IQGAP1: variants seen among roughly 807,000 people sequenced by gnomAD.
The protein encoded by IQGAP1 is IQ motif containing GTPase activating protein 1.
Under a neutral mutation model 215.6 loss-of-function variants are expected in IQGAP1, and 66 were observed. The observed-to-expected ratio is 0.31, with a 90% CI of 0.25 to 0.38. IQGAP1 has a LOEUF of 0.38. IQGAP1 is among the 10% of genes least tolerant of loss of function. The pLI is 1.00. For missense variants in IQGAP1, 1,712 were observed against 1,997.1 expected (o/e 0.86, Z 2.72); for synonymous variants, 772 against 728.7 (o/e 1.06, Z -0.96).
chr15:90,404,789 C>A (rs1964854702), intron 2 of IQGAP1, among the ~76,000 whole-genome samples: 1 of 152,094 alleles, frequency 6.6e-6, no homozygotes, highest in Admixed American at 6.6e-5. Flanking sequence ...CCATGTTGGC[C>A]AGGCTGGTCT....
intron 22 of IQGAP1, 102 bp downstream of exon 22, chr15:90,474,235 TG>T (rs1965947522): frequency 9.2e-7 from 1 of 1,088,290 alleles, no homozygotes; most frequent in Non-Finnish European, 1.3e-6. Context: ...AGGCAAGGCT[TG>T]GGGGAGAGGG....
intron 4 of IQGAP1, 158 bp downstream of exon 4, chr15:90,429,824 T>A: frequency 2.0e-6 from 1 of 498,518 alleles, no homozygotes; most frequent in Non-Finnish European, 3.6e-6. Context: ...GGAAATAGTT[T>A]TGTTCTTTTT....
chr15:90,433,307 C>G (rs1467199075), intron 4 of IQGAP1, among the ~76,000 whole-genome samples: 1 of 152,114 alleles, frequency 6.6e-6, no homozygotes, highest in Admixed American at 6.5e-5. Context: ...GTTGTTTCTC[C>G]ATCTAGGCAT....
intron 28 of IQGAP1, chr15:90,482,719 G>A: frequency 2.0e-6 from 2 of 1,000,108 alleles, no homozygotes; most frequent in Non-Finnish European, 2.4e-6. Context: ...CTTTCCTACA[G>A]TGAGGCCTCG....
At chr15:90,446,399 A>G (rs978243387) in intron 9 of IQGAP1, among the ~76,000 whole-genome samples, 2 of 152,232 alleles carry the variant, frequency 1.3e-5, no homozygotes, top group East Asian at 3.8e-4. Flanking sequence ...TAGACATACA[A>G]ATGAGTACTT....
chr15:90,422,578 C>A (rs1456280178), intron 2 of IQGAP1, among the ~76,000 whole-genome samples: 1 of 138,802 alleles, frequency 7.2e-6, no homozygotes, highest in Non-Finnish European at 1.5e-5. Flanking sequence ...AAAATATAAA[C>A]ATTTCAGAAA....
At chr15:90,483,322 T>A (rs764332080) in intron 28 of IQGAP1, 39 bp from the exon 29 acceptor site, 1 of 1,439,570 alleles carries the variant, frequency 6.9e-7, no homozygotes, top group South Asian at 1.2e-5. Flanking sequence ...CTTGGTGGTA[T>A]GTCTTTTAAT....
rs199939577 is a variant in IQGAP1, at chr15:90,467,445, G to C, written c.2036-5G>C. 10 of 1,606,282 alleles carry C rather than the reference G, an allele frequency of 6.2e-6. No homozygotes were observed. The Admixed American group carries it at 1.7e-4, about 28-fold the overall frequency. On this transcript the variant is annotated splice_region_variant and splice_polypyrimidine_tract_variant and intron_variant, in intron 17 of 37. Coordinates refer to ENST00000268182, the MANE Select transcript of IQGAP1 (RefSeq NM_003870.4). ...GTCTTCTATCTTTCCTTTATTTTCTGCCAGGAGATAATAACAGCAAGTGGG... is the reference window on the plus strand; with the variant it reads ...GTCTTCTATCTTTCCTTTATTTTCTCCCAGGAGATAATAACAGCAAGTGGG...
At chr15:90,396,862 TTTTTTTTGG>T (rs1964728081) in intron 2 of IQGAP1, among the ~76,000 whole-genome samples, 2 of 152,074 alleles carry the variant, frequency 1.3e-5, no homozygotes, top group African/African-American at 2.4e-5. Flanking sequence ...AAAATTTTTT[TTTTTTTTGG>T]AGACGGAGTC....
chr15:90,434,261 AC>A (rs1210587514), intron 5 of IQGAP1, among the ~76,000 whole-genome samples: 2 of 152,038 alleles, frequency 1.3e-5, no homozygotes, highest in Admixed American at 1.3e-4. Flanking sequence ...ACATAGTGAA[AC>A]CCTGTCTCTA....
At chr15:90,462,949 A>G (rs1438036677) in intron 15 of IQGAP1, among the ~76,000 whole-genome samples, 1 of 152,152 alleles carries the variant, frequency 6.6e-6, no homozygotes, top group Non-Finnish European at 1.5e-5. Context: ...CATTTGAGTT[A>G]ATCTTTAGGT....
At chr15:90,459,346 T>G (rs547434330) in intron 15 of IQGAP1, among the ~76,000 whole-genome samples, 20 of 152,328 alleles carry the variant, frequency 1.3e-4, no homozygotes, top group East Asian at 7.7e-4. Flanking sequence ...GACAAACATT[T>G]TAAAAGATGA....
chr15:90,487,460 G>A, intron 32 of IQGAP1, 35 bp from the exon 33 acceptor site: 1 of 1,464,418 alleles, frequency 6.8e-7, no homozygotes, highest in Non-Finnish European at 9.6e-7. Context: ...CTAGAACACT[G>A]GTAATATTTA....
At chr15:90,483,105 C>G (rs1237074826) in intron 28 of IQGAP1, 1 of 395,744 alleles carries the variant, frequency 2.5e-6, no homozygotes, top group Non-Finnish European at 4.6e-6. Flanking sequence ...TCTGAATCTG[C>G]TCTTTCATTA....
intron 18 of IQGAP1, among the ~76,000 whole-genome samples, chr15:90,471,220 G>A (rs73485128): frequency 0.023 from 3,441 of 152,190 alleles, 92 homozygotes; most frequent in East Asian, 0.11. Flanking sequence ...CAGCAGTCCA[G>A]GGAAAATGTG....
intron 5 of IQGAP1, among the ~76,000 whole-genome samples, chr15:90,438,267 T>C (rs1965397759): frequency 6.6e-6 from 1 of 152,220 alleles, no homozygotes; most frequent in Admixed American, 6.5e-5. Flanking sequence ...TTCTGATCTC[T>C]TCTAATTTAT....
intron 23 of IQGAP1, among the ~76,000 whole-genome samples, chr15:90,475,910 T>C (rs1275230120): frequency 6.6e-6 from 1 of 152,096 alleles, no homozygotes; most frequent in Non-Finnish European, 1.5e-5. Flanking sequence ...TAAGACTCTT[T>C]CCCTATGATA....
rs1966340904 is a variant in IQGAP1, at chr15:90,501,491, A to AT, written c.*1388dup. 1.3e-5 allele frequency: 2 copies of AT among 152,094 alleles called. No homozygotes were observed. Among genetic ancestry groups the AT allele is most frequent in the Admixed American group, 1.3e-4 (2 of 15,254 alleles). 9.4% of individuals were successfully genotyped at this position (152,094 alleles called of 1,614,324 possible). ...TTGATTCAGTATTCTTTTATCATAA[A>AT]TTTTTAGCATTTAAAAATTCACTGA... On this transcript the variant is annotated 3_prime_UTR_variant, in exon 38 of 38. Coordinates refer to ENST00000268182, the MANE Select transcript of IQGAP1 (RefSeq NM_003870.4).
In IQGAP1 at chr15:90,439,450, C is replaced by G. The variant is rs1269590051; in HGVS notation, c.535+51C>G. 2.7e-6 allele frequency: 4 copies of G among 1,484,752 alleles called. No individual in the cohort carries two copies. In the South Asian group the frequency reaches 4.6e-5, roughly 17 times the overall value. 92.0% of individuals were successfully genotyped at this position (1,484,752 alleles called of 1,614,324 possible). On this transcript the variant is annotated intron_variant, in intron 6 of 37. Transcript: ENST00000268182. ...AATGCTTGAATTATGTGGAAATAGCCTGGAGAGCCAGCAGTACCAATTTTG... is the reference window on the plus strand; with the variant it reads ...AATGCTTGAATTATGTGGAAATAGCGTGGAGAGCCAGCAGTACCAATTTTG...
Sources: gnomAD v4.1 joint callset for allele counts (sites outside exome capture counted in the v4.1 genomes callset) on GRCh38, gnomAD v4.1.1 for gene constraint, MANE v1.5 for transcripts, NCBI Gene and HGNC (gene_info 2026-07-23, HGNC 2026-07-21) for gene names.